Variants in RASA3 observed in about 807,000 individuals in gnomAD.
RASA3 encodes the protein RAS p21 protein activator 3.
A neutral mutation model predicts 110.0 loss-of-function variants in RASA3; 73 were observed. The ratio of observed to expected loss-of-function variants is 0.66; its 90% CI spans 0.55 to 0.81. The LOEUF is 0.81. Ranked by LOEUF, RASA3 falls within the 30% of genes least tolerant of loss-of-function variation. The pLI, the probability that RASA3 is intolerant of heterozygous loss-of-function variation, is 0.00. For missense variants in RASA3, 976 were observed against 1,113.2 expected (o/e 0.88, Z 1.75); for synonymous variants, 500 against 451.4 (o/e 1.11, Z -1.37).
intron 2 of RASA3, among the ~76,000 whole-genome samples, chr13:114,066,649 C>T (rs1317207054): frequency 2.0e-5 from 3 of 152,240 alleles, no homozygotes; most frequent in Non-Finnish European, 4.4e-5. Flanking sequence ...ATACGAGCAA[C>T]CTCATGCTCT....
At chr13:114,055,482 T>C (rs2079228397) in intron 2 of RASA3, among the ~76,000 whole-genome samples, 1 of 152,204 alleles carries the variant, frequency 6.6e-6, no homozygotes, top group Non-Finnish European at 1.5e-5. Context: ...GAAAAACCAC[T>C]ATCAACCTCG....
At chr13:113,995,480 CACA>C (rs1193890666) in intron 21 of RASA3, among the ~76,000 whole-genome samples, 2 of 152,248 alleles carry the variant, frequency 1.3e-5, no homozygotes, top group East Asian at 1.9e-4. Context: ...ATCACGTGGC[CACA>C]ACAACAGCGA....
chr13:114,099,391 C>T (rs1004846486), intron 1 of RASA3, among the ~76,000 whole-genome samples: 2 of 151,502 alleles, frequency 1.3e-5, no homozygotes, highest in South Asian at 2.1e-4. Context: ...AATAGCGTGT[C>T]TTGTGGGTGG....
intron 10 of RASA3, 113 bp downstream of exon 10, chr13:114,018,650 G>C: frequency 2.2e-6 from 3 of 1,355,820 alleles, no homozygotes; most frequent in Non-Finnish European, 3.0e-6. Context: ...GGAGGCGTGG[G>C]AAAGGCCCCC....
At chr13:114,078,821 G>T (rs563419264) in intron 1 of RASA3, among the ~76,000 whole-genome samples, 5 of 152,194 alleles carry the variant, frequency 3.3e-5, no homozygotes, top group Admixed American at 6.5e-5. Flanking sequence ...GGATGCCCAG[G>T]CTTCCCTGGA....
chr13:114,093,379 A>G (rs972331612), intron 1 of RASA3, among the ~76,000 whole-genome samples: 2 of 152,178 alleles, frequency 1.3e-5, no homozygotes, highest in Non-Finnish European at 2.9e-5. Flanking sequence ...CTCTGAATAT[A>G]TCATCCCACT....
chr13:114,073,602 G>T, intron 2 of RASA3, 118 bp downstream of exon 2: 1 of 845,370 alleles, frequency 1.2e-6, no homozygotes, highest in Non-Finnish European at 2.0e-6. Flanking sequence ...GGATGGTGAC[G>T]TACACGCTCG....
intron 3 of RASA3, among the ~76,000 whole-genome samples, chr13:114,041,705 G>A (rs1447809961): frequency 2.6e-5 from 4 of 152,270 alleles, no homozygotes; most frequent in Admixed American, 6.5e-5. Flanking sequence ...GGACACGCAC[G>A]TGTGTGCATG....
At chr13:114,036,649 T>C (rs986939020) in intron 4 of RASA3, among the ~76,000 whole-genome samples, 1 of 152,230 alleles carries the variant, frequency 6.6e-6, no homozygotes, top group African/African-American at 2.4e-5. Flanking sequence ...GCGATTCTCC[T>C]GCCTCAACCT....
intron 4 of RASA3, among the ~76,000 whole-genome samples, chr13:114,030,307 C>T (rs34044059): frequency 0.075 from 11,095 of 148,210 alleles, 892 homozygotes; most frequent in African/African-American, 0.2. Context: ...TACCTCCCCT[C>T]GGGCGAGGCC....
intron 12 of RASA3, among the ~76,000 whole-genome samples, 168 bp from the exon 13 acceptor site, chr13:114,016,439 C>T (rs1020703160): frequency 1.3e-5 from 2 of 152,130 alleles, no homozygotes; most frequent in African/African-American, 4.8e-5. Flanking sequence ...ACGGTGAGGC[C>T]GGACTGCAGG....
chr13:114,013,749 TCTC>T (rs2053708048), intron 14 of RASA3, among the ~76,000 whole-genome samples: 1 of 148,772 alleles, frequency 6.7e-6, no homozygotes, highest in African/African-American at 2.5e-5. Flanking sequence ...TGGCTCTCTC[TCTC>T]TCTCTCCATC....
At chr13:114,030,925 A>G (rs1178467342) in intron 4 of RASA3, among the ~76,000 whole-genome samples, 1 of 136,644 alleles carries the variant, frequency 7.3e-6, no homozygotes, top group Non-Finnish European at 1.5e-5. Context: ...CTATGCATGC[A>G]TGCGACTATG....
chr13:114,059,171 T>C (rs2079296289), intron 2 of RASA3, among the ~76,000 whole-genome samples: 1 of 152,128 alleles, frequency 6.6e-6, no homozygotes, highest in Non-Finnish European at 1.5e-5. Flanking sequence ...GGCGAGATCC[T>C]GTCTCAAAAA....
In RASA3 at chr13:114,042,171, C is replaced by T. The variant is rs143353977; in HGVS notation, c.278-1077G>A. Among the ~76,000 whole-genome samples, 15 of 152,368 alleles carry T rather than the reference C, an allele frequency of 9.8e-5. No individual in the cohort carries two copies. The East Asian group carries it at 1.2e-3, about 12-fold the overall frequency. On this transcript the variant is annotated intron_variant, in intron 3 of 23. Transcript: ENST00000334062. ...AGAAACATTCCCGAGGCGCGGCAAA[C>T]GTGTGCCCATCCCATCCCCGGCAGG...
intron 1 of RASA3, among the ~76,000 whole-genome samples, chr13:114,103,621 C>A (rs1330933989): frequency 0.05 from 36 of 714 alleles, 10 homozygotes; most frequent in South Asian, 0.17. Context: ...CACACTGCCG[C>A]CGACCACAGA....
At position 114,011,189 on chromosome 13, in the gene RASA3, G is replaced by T; in HGVS notation, c.1572C>A (p.Ser524Arg). ...GACTCACAGATTTGGACTTGGACAG[G>T]CTGCCGAGGGTCTGAACGGTCTTGG... Reference protein sequence around the residue: ...LISKTVQTLGSLSKSKSASFK... With the variant: ...LISKTVQTLGRLSKSKSASFK... The change falls in exon 16 of 24, where the codon AGC becomes AGA. Residue 524 changes from serine to arginine, a missense_variant. Physicochemically the swap from Ser to Arg is moderately radical, Grantham distance 110. Around this residue, in one of 4 missense-constraint regions of RASA3, gnomAD observed 732 missense variants for 779.7 expected, o/e 0.94. Coordinates refer to ENST00000334062, the MANE Select transcript of RASA3 (RefSeq NM_007368.4). The surrounding 1 kb of genome is among the most constrained non-coding windows in gnomAD (Gnocchi z 4.8). 1 of 1,612,750 alleles carries T rather than the reference G, an allele frequency of 6.2e-7. No individual in the cohort carries two copies. Among genetic ancestry groups the T allele is most frequent in the Non-Finnish European group, 8.5e-7 (1 of 1,179,480 alleles).
At position 114,056,394 on chromosome 13, in the gene RASA3, A is replaced by G. The variant is rs882118; in HGVS notation, c.174-4239T>C. ...GGCATTTAACCCTGCACACTTCCTC[A>G]CCACCCTGATGCACAGGGTGGGAAA... On this transcript the variant is annotated intron_variant, in intron 2 of 23. Coordinates refer to ENST00000334062, the MANE Select transcript of RASA3 (RefSeq NM_007368.4). This position sits in a 1 kb window ranked among gnomAD's most constrained non-coding sequence, Gnocchi z 5.7. The G allele has an allele frequency of 1.1e-6, 1 of 950,534 alleles. No homozygotes were observed. Among genetic ancestry groups the G allele is most frequent in the Admixed American group, 6.2e-5 (1 of 16,232 alleles). 58.9% of individuals were successfully genotyped at this position (950,534 alleles called of 1,614,324 possible).
chr13:113,999,712 C>T (rs747791683), intron 19 of RASA3, 45 bp from the exon 20 acceptor site: 64 of 1,411,492 alleles, frequency 4.5e-5, no homozygotes, highest in South Asian at 1.4e-4. Flanking sequence ...CCCGCTGTCC[C>T]GGCTGGGGTC....
Sources: gnomAD v4.1 joint callset for allele counts (sites outside exome capture counted in the v4.1 genomes callset) on GRCh38, gnomAD v4.1.1 for gene constraint, gnomAD v4.1.1 regional missense constraint, Gnocchi (gnomAD v3.1) non-coding constraint, MANE v1.5 for transcripts, NCBI Gene and HGNC (gene_info 2026-07-23, HGNC 2026-07-21) for gene names.